HSPG2: variants seen among roughly 807,000 people sequenced by gnomAD.
HSPG2 encodes the protein heparan sulfate proteoglycan 2, also known as basement membrane-specific heparan sulfate proteoglycan core protein.
A neutral mutation model predicts 526.6 loss-of-function variants in HSPG2; 278 were observed. The ratio of observed to expected loss-of-function variants is 0.53; its 90% CI spans 0.48 to 0.58. The LOEUF is 0.58. Ranked by LOEUF, HSPG2 falls within the 20% of genes least tolerant of loss-of-function variation. The probability of loss-of-function intolerance (pLI) is 0.00; values close to 1 mark genes in which losing one functional copy is unlikely to be tolerated. For missense variants in HSPG2, 5,354 were observed against 6,099.5 expected, an observed-to-expected ratio of 0.88 and a Z score of 4.07; for synonymous variants, 2,465 against 2,555.4, an observed-to-expected ratio of 0.96 and a Z score of 1.07.
In HSPG2 at chr1:21,874,607, G is replaced by A. The variant is rs770260813; in HGVS notation, c.3528+9C>T. On this transcript the variant is annotated intron_variant, in intron 27 of 96. Coordinates refer to ENST00000374695, the MANE Select transcript of HSPG2 (RefSeq NM_005529.7). Reference sequence around the variant, plus strand: ...TTGCTGGGGTGGGCGGAAGGAGGGCGGGACTTACCTGGCAGGCACCTGTTT... The same window carrying A: ...TTGCTGGGGTGGGCGGAAGGAGGGCAGGACTTACCTGGCAGGCACCTGTTT... 8.7e-6 allele frequency: 14 copies of A among 1,613,664 alleles called. No homozygotes were observed. The highest frequency in any genetic ancestry group is 1.6e-4 in the Middle Eastern group (1 of 6,078).
chr1:21,836,840 C>A lies in HSPG2; in HGVS notation c.10317G>T (p.Gln3439His), dbSNP rs937765818. Reference protein sequence around the residue: ...TQLRWFKEGGQLPPGHSVQDG... With the variant: ...TQLRWFKEGGHLPPGHSVQDG... ...CCTGCACGCTGTGACCCGGAGGCAG[C>A]TGACCCCCTTCCTTGAACCAACGGA... The change falls in exon 75 of 97, where the codon CAG becomes CAT. Residue 3439 changes from glutamine to histidine, a missense_variant. Transcript: ENST00000374695. The A allele has an allele frequency of 2.1e-5, 33 of 1,580,276 alleles. No individual in the cohort carries two copies. The East Asian group carries it at 7.4e-4, about 35-fold the overall frequency.
chr1:21,861,000 C>G (rs987913784), intron 39 of HSPG2, among the ~76,000 whole-genome samples: 7 of 152,218 alleles, frequency 4.6e-5, no homozygotes, highest in South Asian at 4.1e-4. Flanking sequence ...GGGAGGCTTC[C>G]AAGAGGATGG....
intron 54 of HSPG2, 47 bp from the exon 55 acceptor site, chr1:21,851,744 T>A (rs1242381993): frequency 6.2e-7 from 1 of 1,613,892 alleles, no homozygotes. Flanking sequence ...CTGAAGCCAC[T>A]CCAGCCTGTT....
chr1:21,852,339 C>G, intron 52 of HSPG2, 106 bp from the exon 53 acceptor site: 1 of 1,408,238 alleles, frequency 7.1e-7, no homozygotes, highest in Admixed American at 1.8e-5. Flanking sequence ...AGGCCAGATC[C>G]AGCTTTTCAG....
At chr1:21,914,685 C>G (rs1643838445) in intron 1 of HSPG2, among the ~76,000 whole-genome samples, 2 of 152,194 alleles carry the variant, frequency 1.3e-5, no homozygotes, top group Admixed American at 1.3e-4. Context: ...GTCCTTGTCA[C>G]TCATGGGCTA....
Position 21,837,004 on chromosome 1 carries a change from G to A in HSPG2, c.10153C>T (p.Pro3385Ser). ...GAGGTGGCAGGGAGAGAGCCGGGAG[G>A]GCCTGCGGGGACATGTATGAGGTTC... ...EAFAQLLVQG[P>S]PGSLPATSIP... The change falls in exon 75 of 97, where the codon CCT becomes TCT. Residue 3385 changes from proline to serine, a missense_variant and splice_region_variant. By Grantham distance (74) the Pro-to-Ser change is moderately conservative (BLOSUM62 -1). Transcript: ENST00000374695. 6.5e-7 allele frequency: 1 copy of A among 1,548,676 alleles called. No homozygotes were observed. The highest frequency in any genetic ancestry group is 8.7e-7 in the Non-Finnish European group (1 of 1,147,604).
chr1:21,905,679 T>C (rs1643343898), intron 1 of HSPG2, among the ~76,000 whole-genome samples: 1 of 151,992 alleles, frequency 6.6e-6, no homozygotes, highest in Non-Finnish European at 1.5e-5. Context: ...GAGGCAGAGG[T>C]TGCAGTGAGC....
chr1:21,920,048 A>G (rs1321068481), intron 1 of HSPG2, among the ~76,000 whole-genome samples: 5 of 152,172 alleles, frequency 3.3e-5, no homozygotes, highest in Non-Finnish European at 7.3e-5. Flanking sequence ...CTGGGATTAC[A>G]GGCATGCACC....
Position 21,884,627 on chromosome 1 carries a change from G to A in HSPG2, c.1555C>T (p.Leu519=), listed in dbSNP as rs1330894906. ...HFYLEHSAAC[L]PCFCFGITSV... ...GTGATGCCAAAGCAGAAGCAGGGCA[G>A]GCAGGCGGCGCTGTGCTCCAGGTAG... The change falls in exon 13 of 97, where the codon CTG becomes TTG. Residue 519 remains leucine (L), a synonymous_variant. Transcript: ENST00000374695. 6.2e-7 allele frequency: 1 copy of A among 1,611,442 alleles called. No individual in the cohort carries two copies.
At chr1:21,878,724 C>T in intron 18 of HSPG2, 61 bp from the exon 19 acceptor site, 1 of 1,475,106 alleles carries the variant, frequency 6.8e-7, no homozygotes, top group East Asian at 2.3e-5. Context: ...CTCCTCCCAC[C>T]CTGGGAAATG....
chr1:21,890,418 C>A lies in HSPG2; in HGVS notation c.413+9G>T, dbSNP rs763384403. On this transcript the variant is annotated intron_variant, in intron 5 of 96. Coordinates refer to ENST00000374695, the MANE Select transcript of HSPG2 (RefSeq NM_005529.7). The surrounding 1 kb of genome is among the most constrained non-coding windows in gnomAD (Gnocchi z 4.1). ...GTCCCCCAGCAGCCCCCAGGGAGCCCCTTCTCACTTGATGAACACCACACT... is the reference window on the plus strand; with the variant it reads ...GTCCCCCAGCAGCCCCCAGGGAGCCACTTCTCACTTGATGAACACCACACT... The A allele has an allele frequency of 6.2e-7, 1 of 1,613,622 alleles. No individual in the cohort carries two copies. The highest frequency in any genetic ancestry group is 1.7e-5 in the Admixed American group (1 of 60,004).
chr1:21,831,913 C>T (rs2098006013), intron 81 of HSPG2, 117 bp from the exon 82 acceptor site: 1 of 1,128,478 alleles, frequency 8.9e-7, no homozygotes, highest in Non-Finnish European at 1.2e-6. Context: ...TCCTGCAGTC[C>T]CAGCCCTGGG....
At chr1:21,823,789 C>T (rs917665524) in intron 95 of HSPG2, 70 bp from the exon 96 acceptor site, 2 of 1,200,232 alleles carry the variant, frequency 1.7e-6, no homozygotes, top group Non-Finnish European at 2.5e-6. Flanking sequence ...GACAGAGTCC[C>T]CTCCCTCTGA....
chr1:21,874,438 C>T lies in HSPG2; in HGVS notation c.3624G>A (p.Leu1208=), dbSNP rs747458809. 5.6e-6 allele frequency: 9 copies of T among 1,611,910 alleles called. No homozygotes were observed. Among genetic ancestry groups the T allele is most frequent in the Admixed American group, 3.3e-5 (2 of 59,992 alleles). ...AQRGTPQDCQ[L]CPCYGDPAAG... ...CAGCAGGGTCTCCGTAGCAGGGGCA[C>T]AGCTGGCAGTCCTGTGGTGTCCCCC... Residue 1208 remains leucine, a synonymous_variant, in exon 28 of 97, where the codon CTG becomes CTA. Coordinates refer to ENST00000374695, the MANE Select transcript of HSPG2 (RefSeq NM_005529.7).
At chr1:21,834,207 A>AC (rs1307036381) in intron 77 of HSPG2, among the ~76,000 whole-genome samples, 6 of 152,232 alleles carry the variant, frequency 3.9e-5, no homozygotes, top group African/African-American at 1.4e-4. Context: ...TGAGAAGTGC[A>AC]CACTAGGGGC....
Position 21,874,968 on chromosome 1 carries a change from C to T in HSPG2, c.3337G>A (p.Glu1113Lys), listed in dbSNP as rs112459669. The change falls in exon 26 of 97, where the codon GAG becomes AAG. Residue 1113 changes from glutamate (E) to lysine (K), a missense_variant. Physicochemically the swap from Glu to Lys is moderately conservative, Grantham distance 56. Transcript: ENST00000374695. ...AGCGCGGGGTCCTGGCCGGTTTCCT[C>T]GGGCACAGCCACGTCCATGCTGATG... The part of the protein sequence containing the change: ...SGISMDVAVP[E>K]ETGQDPALEV... The T allele has an allele frequency of 3.9e-5, 63 of 1,609,332 alleles. No homozygotes were observed. The highest frequency in any genetic ancestry group is 1.7e-4 in the African/African-American group (13 of 74,940).
In HSPG2 at chr1:21,875,266, A is replaced by G. The variant is rs1572323385; in HGVS notation, c.3303-264T>C. 6 of 600,046 alleles carry G rather than the reference A, an allele frequency of 1.0e-5. No homozygotes were observed. The East Asian group carries it at 1.7e-4, about 17-fold the overall frequency. 37.2% of individuals were successfully genotyped at this position (600,046 alleles called of 1,614,324 possible). A position where few individuals can be genotyped will look rare whatever the true frequency, so the allele number is the denominator to read the frequency against. ...CCCCAATGACAGGCTGATACAGGCT[A>G]CAAGAGCCCACGGGCCTGAAAGAAC... On this transcript the variant is annotated intron_variant, in intron 25 of 96. Coordinates refer to ENST00000374695, the MANE Select transcript of HSPG2 (RefSeq NM_005529.7).
At position 21,831,769 on chromosome 1, in the gene HSPG2, G is replaced by A. The variant is rs1256475888; in HGVS notation, c.11235C>T (p.Thr3745=). 1.2e-6 allele frequency: 2 copies of A among 1,603,080 alleles called. No homozygotes were observed. Among genetic ancestry groups the A allele is most frequent in the African/African-American group, 2.7e-5 (2 of 74,764 alleles). Residue 3745 remains threonine, a synonymous_variant, in exon 82 of 97, where the codon ACC becomes ACT. Transcript: ENST00000374695. ...FRFDAGSGMA[T]IRHPTPLALG... is the part of the protein sequence containing the mutation. ...GGGCCAGTGGTGTGGGATGGCGGAT[G>A]GTGGCCATGCCTGAGCCTGCATCGA...
At position 21,830,304 on chromosome 1, in the gene HSPG2, T is replaced by G. The variant is rs938922802; in HGVS notation, c.11672-213A>C. 3 of 590,782 alleles carry G rather than the reference T, an allele frequency of 5.1e-6. No homozygotes were observed. In the African/African-American group the frequency reaches 5.6e-5, roughly 11 times the overall value. 36.6% of individuals were successfully genotyped at this position (590,782 alleles called of 1,614,324 possible). A position where few individuals can be genotyped will look rare whatever the true frequency, so the allele number is the denominator to read the frequency against. ...ACTGCAGGGGAAGCAGTCGAGGGAC[T>G]CTGTGTGTCTGCAGGTTCTTCAGAG... On this transcript the variant is annotated intron_variant, in intron 85 of 96. Coordinates refer to ENST00000374695, the MANE Select transcript of HSPG2 (RefSeq NM_005529.7).
Sources: gnomAD v4.1 joint callset for allele counts (sites outside exome capture counted in the v4.1 genomes callset) on GRCh38, gnomAD v4.1.1 for gene constraint, Gnocchi (gnomAD v3.1) non-coding constraint, MANE v1.5 for transcripts, NCBI Gene and HGNC (gene_info 2026-07-23, HGNC 2026-07-21) for gene names.